RPS6KA4: variants seen among roughly 807,000 people sequenced by gnomAD.
RPS6KA4 encodes ribosomal protein S6 kinase alpha-4.
In RPS6KA4, 38 loss-of-function variants were observed where a neutral mutation model predicts 89.6. That is an observed-to-expected ratio of 0.42 (90% CI 0.33 to 0.56). The LOEUF (loss-of-function observed/expected upper bound fraction) is 0.56. RPS6KA4 is among the 20% of genes least tolerant of loss of function. RPS6KA4 has a pLI of 0.07. For synonymous variants in RPS6KA4, 495 were observed against 492.8 expected (o/e 1.00, Z -0.06); for missense variants, 873 against 1,098.8 (o/e 0.79, Z 2.90).
intron 2 of RPS6KA4, 137 bp downstream of exon 2, chr11:64,359,586 C>T (rs2036686065): frequency 2.3e-6 from 2 of 864,998 alleles, no homozygotes; most frequent in Middle Eastern, 3.4e-4. Context: ...GCCTGCCCCG[C>T]CCTGCCTCGC....
intron 4 of RPS6KA4, chr11:64,360,890 T>C (rs570612116): frequency 5.6e-4 from 318 of 566,872 alleles, no homozygotes; most frequent in Middle Eastern, 5.1e-3. Context: ...AAGGCCTCCT[T>C]GAAATGGAGC....
In RPS6KA4 at chr11:64,359,418, C is replaced by T. The variant is rs774272429; in HGVS notation, c.96C>T (p.Asn32=). ...TGHEEKVSVE[N]FELLKVLGTG... ...ACGAGGAGAAGGTGAGCGTGGAGAA[C>T]TTCGAGCTGCTCAAGGTGCTGGGCA... is the stretch of plus-strand genomic sequence containing the variant. The change falls in exon 2 of 17, where the codon AAC becomes AAT. Residue 32 remains asparagine (N), a synonymous_variant. Coordinates refer to ENST00000334205, the MANE Select transcript of RPS6KA4 (RefSeq NM_003942.3). The T allele has an allele frequency of 3.7e-6, 6 of 1,613,734 alleles. No individual in the cohort carries two copies. Among genetic ancestry groups the T allele is most frequent in the East Asian group, 2.2e-5 (1 of 44,862 alleles).
At position 64,368,194 on chromosome 11, in the gene RPS6KA4, G is replaced by A. The variant is rs758815611; in HGVS notation, c.1134G>A (p.Gly378=). Reference sequence around the variant, plus strand: ...ACAACAACGCGGTGATGACCGATGGGCTGGAAGCGCCTGGTGCTGGAGACC... The same window carrying A: ...ACAACAACGCGGTGATGACCGATGGACTGGAAGCGCCTGGTGCTGGAGACC... ...FDHNNAVMTD[G]LEAPGAGDRP... is the part of the protein sequence containing the mutation. The change falls in exon 10 of 17, where the codon GGG becomes GGA. Residue 378 remains glycine (G), a synonymous_variant. Coordinates refer to ENST00000334205, the MANE Select transcript of RPS6KA4 (RefSeq NM_003942.3). The A allele has an allele frequency of 6.2e-7, 1 of 1,613,752 alleles. No individual in the cohort carries two copies.
At chr11:64,367,534 C>T (rs1246089071) in intron 9 of RPS6KA4, among the ~76,000 whole-genome samples, 1 of 152,246 alleles carries the variant, frequency 6.6e-6, no homozygotes, top group Non-Finnish European at 1.5e-5. Context: ...TGGTCTCAAA[C>T]TCCTGACCTC....
At position 64,359,263 on chromosome 11, in the gene RPS6KA4, T is replaced by C; in HGVS notation, c.28T>C (p.Cys10Arg). The C allele has an allele frequency of 2.6e-6, 4 of 1,535,392 alleles. No individual in the cohort carries two copies. The highest frequency in any genetic ancestry group is 2.6e-6 in the Non-Finnish European group (3 of 1,137,332). ...GGGGGACGAGGACGACGATGAGAGC[T>C]GCGCCGTGGAGCTGCGGATCACAGA... is the stretch of plus-strand genomic sequence containing the variant. MGDEDDDESCAVELRITEAN... is the reference protein window; with the variant it reads MGDEDDDESRAVELRITEAN... The change falls in exon 1 of 17, where the codon TGC becomes CGC. Residue 10 changes from cysteine to arginine, a missense_variant. By Grantham distance (180) the Cys-to-Arg change is radical. Coordinates refer to ENST00000334205, the MANE Select transcript of RPS6KA4 (RefSeq NM_003942.3).
chr11:64,362,106 C>A (rs1399899883), intron 8 of RPS6KA4, 104 bp downstream of exon 8: 1 of 1,377,748 alleles, frequency 7.3e-7, no homozygotes, highest in East Asian at 2.6e-5. Context: ...TTGGAAATCC[C>A]CCCAGAGAAA....
In RPS6KA4 at chr11:64,361,680, G is replaced by A; in HGVS notation, c.690G>A (p.Glu230=). 6.2e-7 allele frequency: 1 copy of A among 1,612,698 alleles called. No homozygotes were observed. The highest frequency in any genetic ancestry group is 8.5e-7 in the Non-Finnish European group (1 of 1,179,828). The change falls in exon 7 of 17, where the codon GAG becomes GAA. Residue 230 remains glutamate (E), a synonymous_variant. Transcript: ENST00000334205. This position sits in a 1 kb window ranked among gnomAD's most constrained non-coding sequence, Gnocchi z 4.7. ...DWWSLGILLF[E]LLTGASPFTL... ...GGAGCCTGGGCATCTTGCTCTTCGAGCTGCTGACGGGGGCCTCGCCCTTCA... is the reference window on the plus strand; with the variant it reads ...GGAGCCTGGGCATCTTGCTCTTCGAACTGCTGACGGGGGCCTCGCCCTTCA...
Position 64,371,284 on chromosome 11 carries a change from C to T in RPS6KA4, c.2123C>T (p.Ala708Val). 6.2e-7 allele frequency: 1 copy of T among 1,612,550 alleles called. No individual in the cohort carries two copies. The highest frequency in any genetic ancestry group is 1.1e-5 in the South Asian group (1 of 91,034). ...VRSGLNATFM[A>V]FNRGKREGFF... ...CACTCACCCTTTCCTTTCTGCCAGGCATTCAACCGGGGCAAGCGGGAGGGC... is the reference window on the plus strand; with the variant it reads ...CACTCACCCTTTCCTTTCTGCCAGGTATTCAACCGGGGCAAGCGGGAGGGC... Residue 708 changes from alanine to valine, a missense_variant and splice_region_variant, in exon 17 of 17, where the codon GCA (alanine) becomes GTA (valine). Ala to Val is a moderately conservative substitution (Grantham distance 64). Around this residue, in one of 4 missense-constraint regions of RPS6KA4, gnomAD observed 278 missense variants for 284.8 expected, o/e 0.98. Coordinates refer to ENST00000334205, the MANE Select transcript of RPS6KA4 (RefSeq NM_003942.3).
In RPS6KA4 at chr11:64,371,397, C is replaced by A. The variant is rs772135024; in HGVS notation, c.2236C>A (p.Pro746Thr). The change falls in exon 17 of 17, where the codon CCT becomes ACT. Residue 746 changes from proline (P) to threonine (T), a missense_variant. Pro to Thr is a conservative substitution (Grantham distance 38). Coordinates refer to ENST00000334205, the MANE Select transcript of RPS6KA4 (RefSeq NM_003942.3). ...CGCCACCGCCTCCCGCCGGGGCTCC[C>A]CTGCACCAGCCAACCCGGGCCGAGC... ...RSATASRRGSPAPANPGRAPV... is the reference protein window; with the variant it reads ...RSATASRRGSTAPANPGRAPV... 6.2e-7 allele frequency: 1 copy of A among 1,611,236 alleles called. No individual in the cohort carries two copies. Among genetic ancestry groups the A allele is most frequent in the South Asian group, 1.1e-5 (1 of 90,986 alleles).
chr11:64,362,038 A>G, intron 8 of RPS6KA4, 36 bp downstream of exon 8: 1 of 1,578,054 alleles, frequency 6.3e-7, no homozygotes, highest in East Asian at 2.3e-5. Context: ...CTCCTGGTGC[A>G]TACCCAGGTG....
intron 9 of RPS6KA4, 34 bp from the exon 10 acceptor site, chr11:64,368,098 G>T: frequency 6.2e-7 from 1 of 1,608,976 alleles, no homozygotes; most frequent in South Asian, 1.1e-5. Flanking sequence ...CAACCCCCAT[G>T]CCCATGCCCA....
At chr11:64,368,081 G>A in intron 9 of RPS6KA4, 51 bp from the exon 10 acceptor site, 2 of 1,595,812 alleles carry the variant, frequency 1.3e-6, no homozygotes, top group Non-Finnish European at 8.6e-7. Flanking sequence ...CTCCTCACCC[G>A]CACCCCCAAC....
In RPS6KA4 at chr11:64,368,604, G is replaced by A; in HGVS notation, c.1334+3G>A. ...GCAGTCAAGATCCTCAGTCGCAGGT[G>A]GGAGGGCCCAGGCGCGGGCAGGGGT... On this transcript the variant is annotated splice_donor_region_variant and intron_variant, in intron 11 of 16. Transcript: ENST00000334205. The A allele has an allele frequency of 1.3e-6, 2 of 1,598,958 alleles. No homozygotes were observed. The highest frequency in any genetic ancestry group is 1.1e-5 in the South Asian group (1 of 88,780).
chr11:64,369,860 G>A lies in RPS6KA4; in HGVS notation c.1764G>A (p.Glu588=), dbSNP rs1371730613. 2 of 1,566,410 alleles carry A rather than the reference G, an allele frequency of 1.3e-6. No individual in the cohort carries two copies. Among genetic ancestry groups the A allele is most frequent in the South Asian group, 1.2e-5 (1 of 86,104 alleles). ...TGCTGGCGCAGCAGGGCTACGACGAGTCCTGCGACCTCTGGAGCCTGGGCG... is the reference window on the plus strand; with the variant it reads ...TGCTGGCGCAGCAGGGCTACGACGAATCCTGCGACCTCTGGAGCCTGGGCG... ...PELLAQQGYD[E]SCDLWSLGVI... Residue 588 remains glutamate, a synonymous_variant, in exon 14 of 17, where the codon GAG becomes GAA. Coordinates refer to ENST00000334205, the MANE Select transcript of RPS6KA4 (RefSeq NM_003942.3).
Position 64,359,362 on chromosome 11 carries a change from C to T in RPS6KA4, c.56-16C>T. ...GTCATGGACCGGCTGGGCTCATTCG[C>T]CCCCTGTGCCCACAGCCAACCTGAC... On this transcript the variant is annotated splice_polypyrimidine_tract_variant and intron_variant, in intron 1 of 16. Coordinates refer to ENST00000334205, the MANE Select transcript of RPS6KA4 (RefSeq NM_003942.3). 6.2e-7 allele frequency: 1 copy of T among 1,612,230 alleles called. No homozygotes were observed. Among genetic ancestry groups the T allele is most frequent in the Non-Finnish European group, 8.5e-7 (1 of 1,179,470 alleles).
At chr11:64,369,377 G>A in intron 12 of RPS6KA4, 69 bp from the exon 13 acceptor site, 2 of 1,476,876 alleles carry the variant, frequency 1.4e-6, no homozygotes, top group South Asian at 2.6e-5. Flanking sequence ...CGGGGGCGGG[G>A]CCTGGGTGGT....
Position 64,361,285 on chromosome 11 carries a change from TCTC to T in RPS6KA4, c.570+47_570+49del. The T allele has an allele frequency of 6.4e-7, 1 of 1,559,624 alleles. No individual in the cohort carries two copies. Among genetic ancestry groups the T allele is most frequent in the South Asian group, 1.1e-5 (1 of 89,510 alleles). Reference sequence around the variant, plus strand: ...TGCCTGCAGTGCCCCATTCAATCCTTCTCCTTCCTGCCTCTTCCTGCTCTGGGC... The same window carrying T: ...TGCCTGCAGTGCCCCATTCAATCCTTCTTCCTGCCTCTTCCTGCTCTGGGC... On this transcript the variant is annotated intron_variant, in intron 5 of 16. Transcript: ENST00000334205. The surrounding 1 kb of genome is among the most constrained non-coding windows in gnomAD (Gnocchi z 4.7).
chr11:64,368,504 C>T lies in RPS6KA4; in HGVS notation c.1237C>T (p.Arg413Trp), dbSNP rs772065473. ...CTTCCAGCAGTACGAGCTGGACCTG[C>T]GGGAGCCTGCGCTGGGCCAGGGCAG... ...PFFQQYELDL[R>W]EPALGQGSFS... The change falls in exon 11 of 17, where the codon CGG becomes TGG. Residue 413 changes from arginine (R) to tryptophan (W), a missense_variant. Physicochemically the swap from Arg to Trp is moderately radical, Grantham distance 101. Around this residue, in one of 4 missense-constraint regions of RPS6KA4, gnomAD observed 542 missense variants for 736.4 expected, o/e 0.74. Coordinates refer to ENST00000334205, the MANE Select transcript of RPS6KA4 (RefSeq NM_003942.3). The T allele has an allele frequency of 3.3e-5, 51 of 1,562,158 alleles. No individual in the cohort carries two copies. Among genetic ancestry groups the T allele is most frequent in the Middle Eastern group, 1.9e-4 (1 of 5,234 alleles).
In RPS6KA4 at chr11:64,368,456, C is replaced by T. The variant is rs768417360; in HGVS notation, c.1201-12C>T. The T allele has an allele frequency of 1.9e-6, 3 of 1,548,260 alleles. No homozygotes were observed. Among genetic ancestry groups the T allele is most frequent in the Non-Finnish European group, 2.6e-6 (3 of 1,146,972 alleles). ...GCGCCGCCTTCGCCTTCGCCTTCGC[C>T]TTCGCCTCCAGGACTCGCCCTTCTT... On this transcript the variant is annotated splice_polypyrimidine_tract_variant and intron_variant, in intron 10 of 16. Transcript: ENST00000334205.
Sources: allele counts gnomAD v4.1 joint callset (sites outside exome capture counted in the v4.1 genomes callset), GRCh38; gene constraint gnomAD v4.1.1; regional missense constraint gnomAD v4.1.1; non-coding constraint Gnocchi (gnomAD v3.1); transcripts MANE v1.5; gene names NCBI Gene and HGNC (gene_info 2026-07-23, HGNC 2026-07-21).